The following DENND4A variants were observed in gnomAD, a reference collection of about 807,000 sequenced individuals.
DENND4A encodes DENN domain containing 4A, also known as C-myc promoter-binding protein.
Under a neutral mutation model 199.3 loss-of-function variants are expected in DENND4A, and 70 were observed. The ratio of observed to expected loss-of-function variants is 0.35; its 90% CI spans 0.29 to 0.43. DENND4A has a LOEUF of 0.43. Ranked by LOEUF, DENND4A falls within the 20% of genes least tolerant of loss-of-function variation. DENND4A has a pLI of 1.00. For synonymous variants in DENND4A, 686 were observed against 766.9 expected (o/e 0.89, Z 1.74); for missense variants, 1,723 against 2,255.8 (o/e 0.76, Z 4.78).
chr15:65,705,784 A>G (rs967296555), intron 15 of DENND4A, among the ~76,000 whole-genome samples: 4 of 152,122 alleles, frequency 2.6e-5, no homozygotes, highest in African/African-American at 7.3e-5. Flanking sequence ...TAACGAAAAA[A>G]AAATCAAAAT....
chr15:65,754,432 T>C (rs1385949007), intron 3 of DENND4A, among the ~76,000 whole-genome samples: 2 of 152,186 alleles, frequency 1.3e-5, no homozygotes, highest in East Asian at 1.9e-4. Flanking sequence ...CTGAGCCTTA[T>C]AGTCAGCTAT....
rs773378189 is a variant in DENND4A at position 65,667,959 on chromosome 15, G to A, written c.4952C>T (p.Thr1651Ile). 5.0e-6 allele frequency: 8 copies of A among 1,610,186 alleles called. No individual in the cohort carries two copies. In the African/African-American group the frequency reaches 5.4e-5, roughly 11 times the overall value. Residue 1651 changes from threonine (T) to isoleucine (I), a missense_variant, in exon 28 of 33, where the codon ACA becomes ATA. Physicochemically the swap from Thr to Ile is moderately conservative, Grantham distance 89 (BLOSUM62 -1). This residue lies in a region of DENND4A where 141 missense variants were observed against 170.7 expected (regional missense o/e 0.83). Transcript: ENST00000443035. The stretch of plus-strand genomic sequence containing the variant: ...TTGTAAAGTAGCTGGCAGGCTGCCT[G>A]TAGAAATGAGCTTCTGTCTTCCAGT... ...EDTGRQKLIS[T>I]GSLPATLQGA...
chr15:65,678,683 AC>A (rs1211573685), intron 23 of DENND4A, among the ~76,000 whole-genome samples: 1 of 152,108 alleles, frequency 6.6e-6, no homozygotes, highest in East Asian at 1.9e-4. Flanking sequence ...TTCTTTTACA[AC>A]ATTTTTATCT....
intron 24 of DENND4A, among the ~76,000 whole-genome samples, chr15:65,675,836 G>A (rs556899198): frequency 2.0e-5 from 3 of 152,148 alleles, no homozygotes; most frequent in Admixed American, 2.0e-4. Context: ...AGCACTTCAA[G>A]GAAGAATTCT....
Position 65,771,255 on chromosome 15 carries a change from G to A in DENND4A, c.-101-9817C>T, listed in dbSNP as rs1030203273. 24 of 1,588,206 alleles carry A rather than the reference G, an allele frequency of 1.5e-5. No homozygotes were observed. The East Asian group carries it at 1.8e-4, about 12-fold the overall frequency. ...AAGGCATCTGACTTCCTTCGGAGTC[G>A]ATCACCACGGTATACTTTTGCTGCA... On this transcript the variant is annotated intron_variant, in intron 1 of 32. Coordinates refer to ENST00000443035, the MANE Select transcript of DENND4A (RefSeq NM_001320835.1).
At chr15:65,724,990 T>C (rs1035062401) in intron 11 of DENND4A, among the ~76,000 whole-genome samples, 3 of 152,204 alleles carry the variant, frequency 2.0e-5, no homozygotes, top group Non-Finnish European at 2.9e-5. Flanking sequence ...CGTAAATGAA[T>C]GAACAACATC....
chr15:65,776,528 T>C (rs2077288037), intron 1 of DENND4A, among the ~76,000 whole-genome samples: 1 of 152,192 alleles, frequency 6.6e-6, no homozygotes, highest in African/African-American at 2.4e-5. Context: ...AAGTATCCCT[T>C]TGTATCCACC....
chr15:65,772,448 C>G (rs919286805), intron 1 of DENND4A, among the ~76,000 whole-genome samples: 1 of 152,076 alleles, frequency 6.6e-6, no homozygotes, highest in Non-Finnish European at 1.5e-5. Flanking sequence ...GTGGCTCACA[C>G]CTGTAATCCC....
Position 65,691,020 on chromosome 15 carries a change from G to A in DENND4A, c.3574C>T (p.Arg1192Cys), listed in dbSNP as rs374306473. The change falls in exon 23 of 33, where the codon CGT becomes TGT. Residue 1192 changes from arginine to cysteine, a missense_variant. Physicochemically the swap from Arg to Cys is radical, Grantham distance 180. This residue lies in a region of DENND4A where 650 missense variants were observed against 738.1 expected (regional missense o/e 0.88). Transcript: ENST00000443035. ...TTTACTGAAAAGCTGCTGTTCATAC[G>A]TTGAATCCTCTTGGGATTTTGTGTA... is the stretch of plus-strand genomic sequence containing the variant. ...VATQNPKRIQ[R>C]MNSSFSVKPF... 27 of 1,611,450 alleles carry A rather than the reference G, an allele frequency of 1.7e-5. No homozygotes were observed. Among genetic ancestry groups the A allele is most frequent in the African/African-American group, 1.2e-4 (9 of 74,876 alleles).
intron 22 of DENND4A, 114 bp from the exon 23 acceptor site, chr15:65,691,625 TCTG>T (rs200830210): frequency 0.033 from 36,127 of 1,092,962 alleles, 821 homozygotes; most frequent in Non-Finnish European, 0.039. Flanking sequence ...TCACTGAGTG[TCTG>T]CTATTTGACA....
At chr15:65,686,234 TG>T (rs1221304702) in intron 23 of DENND4A, among the ~76,000 whole-genome samples, 1 of 152,252 alleles carries the variant, frequency 6.6e-6, no homozygotes, top group Admixed American at 6.5e-5. Flanking sequence ...CAATGTACTT[TG>T]ATTTGGATCC....
At chr15:65,737,172 T>G (rs1434112259) in intron 7 of DENND4A, among the ~76,000 whole-genome samples, 2 of 152,128 alleles carry the variant, frequency 1.3e-5, no homozygotes, top group Admixed American at 6.6e-5. Context: ...AAGTGACTCT[T>G]GTGCCTTGGC....
At chr15:65,784,282 TGTC>T (rs1469402821) in intron 1 of DENND4A, among the ~76,000 whole-genome samples, 1 of 152,324 alleles carries the variant, frequency 6.6e-6, no homozygotes, top group East Asian at 1.9e-4. Flanking sequence ...CTAAATGTAT[TGTC>T]GTATTCTGGA....
Position 65,738,859 on chromosome 15 carries a change from A to G in DENND4A, c.648T>C (p.Tyr216=). The change falls in exon 6 of 33, where the codon TAT becomes TAC. Residue 216 remains tyrosine (Y), a synonymous_variant. Transcript: ENST00000443035. Reference sequence around the variant, plus strand: ...AGAATGACTCATAATCTTCTTGAGGATATCTACAAATTAGGCCTATAAAAA... The same window carrying G: ...AGAATGACTCATAATCTTCTTGAGGGTATCTACAAATTAGGCCTATAAAAA... ...VSYKAGLICR[Y]PQEDYESFSL... is the part of the protein sequence containing the mutation. 6.3e-7 allele frequency: 1 copy of G among 1,594,624 alleles called. No individual in the cohort carries two copies.
At chr15:65,667,190 C>T (rs970747059) in intron 29 of DENND4A, among the ~76,000 whole-genome samples, 4 of 152,076 alleles carry the variant, frequency 2.6e-5, no homozygotes, top group Admixed American at 1.3e-4. Flanking sequence ...ATTAGCTGAG[C>T]GTGGTGGTGT....
At chr15:65,733,281 A>G (rs1004292154) in intron 7 of DENND4A, among the ~76,000 whole-genome samples, 3 of 152,164 alleles carry the variant, frequency 2.0e-5, no homozygotes, top group Non-Finnish European at 4.4e-5. Context: ...AAATTATATT[A>G]CTGATTTTGT....
intron 1 of DENND4A, among the ~76,000 whole-genome samples, chr15:65,768,638 C>T (rs2077044900): frequency 6.6e-6 from 1 of 152,108 alleles, no homozygotes; most frequent in African/African-American, 2.4e-5. Context: ...TGGCCATACT[C>T]ATATATAGCA....
At chr15:65,762,087 A>G (rs1271993541) in intron 1 of DENND4A, among the ~76,000 whole-genome samples, 1 of 152,058 alleles carries the variant, frequency 6.6e-6, no homozygotes, top group African/African-American at 2.4e-5. Flanking sequence ...GGCTCACCGC[A>G]ACCTCCACCT....
chr15:65,734,660 G>C (rs1039109588), intron 7 of DENND4A, among the ~76,000 whole-genome samples: 1 of 152,088 alleles, frequency 6.6e-6, no homozygotes, highest in African/African-American at 2.4e-5. Context: ...TCAAGCAGGG[G>C]ATGAATACCA....
Sources: allele counts gnomAD v4.1 joint callset (sites outside exome capture counted in the v4.1 genomes callset), GRCh38; gene constraint gnomAD v4.1.1; regional missense constraint gnomAD v4.1.1; transcripts MANE v1.5; gene names NCBI Gene and HGNC (gene_info 2026-07-23, HGNC 2026-07-21).